Variants in IKZF4 observed in about 807,000 individuals in gnomAD.
IKZF4 encodes the protein zinc finger protein Eos.
IKZF4 carries 11 observed loss-of-function variants against 47.7 expected under a neutral mutation model. The ratio of observed to expected loss-of-function variants is 0.23; its 90% confidence interval spans 0.15 to 0.38. The LOEUF (loss-of-function observed/expected upper bound fraction) is 0.38. Among genes scored for constraint, IKZF4 ranks in the 10% least tolerant of loss-of-function variants. The pLI, the probability that IKZF4 is intolerant of heterozygous loss-of-function variation, is 1.00. For synonymous variants in IKZF4, 298 were observed against 299.4 expected (o/e 1.00, Z 0.05); for missense variants, 557 against 784.9 (o/e 0.71, Z 3.47).
chr12:56,036,261 G>A lies in IKZF4; in HGVS notation c.*930G>A, dbSNP rs768087193. 14 of 152,610 alleles carry A rather than the reference G, an allele frequency of 9.2e-5. No homozygotes were observed. The highest frequency in any genetic ancestry group is 4.6e-4 in the Admixed American group (7 of 15,270). The allele number at this position is 152,610 out of a possible 1,614,324, so 9.5% of individuals were successfully genotyped here. On this transcript the variant is annotated 3_prime_UTR_variant, in exon 8 of 8. Coordinates refer to ENST00000547167, the MANE Select transcript of IKZF4 (RefSeq NM_022465.4). ...CTCTGACAGATTGGGAGCCACAGGT[G>A]CCTAATTGGGAACCAGGGCATGGGA...
chr12:56,027,412 AAACAACAACAAC>A (rs142401811), intron 4 of IKZF4, among the ~76,000 whole-genome samples: 162 of 152,040 alleles, frequency 1.1e-3, no homozygotes, highest in African/African-American at 3.8e-3. Context: ...AATAATTAAA[AAACAACAACAAC>A]AACAACAACA....
At chr12:56,016,800 A>G (rs867233486), upstream of IKZF4, among the ~76,000 whole-genome samples, 4 of 151,884 alleles carry the variant, frequency 2.6e-5, no homozygotes, top group African/African-American at 4.8e-5. Context: ...GGGTTTCTCC[A>G]TGTTGGTCAG....
chr12:56,017,800 C>G (rs944913345), upstream of IKZF4, among the ~76,000 whole-genome samples: 1 of 152,166 alleles, frequency 6.6e-6, no homozygotes, highest in Admixed American at 6.6e-5. Flanking sequence ...AGTGATCCTC[C>G]CACCTCAGCC....
At chr12:56,019,334 A>C (rs1892549089), upstream of IKZF4, 3 of 982,996 alleles carry the variant, frequency 3.1e-6, no homozygotes, top group Admixed American at 1.8e-4. Flanking sequence ...CAATGAAGGA[A>C]TTATTGGCAT....
intron 6 of IKZF4, 82 bp from the exon 7 acceptor site, chr12:56,033,108 C>A: frequency 6.5e-7 from 1 of 1,548,118 alleles, no homozygotes; most frequent in Non-Finnish European, 8.8e-7. Flanking sequence ...TACTGACCTG[C>A]TGGTTTTCTC....
At chr12:56,028,586 G>GT (rs1294120193) in intron 5 of IKZF4, among the ~76,000 whole-genome samples, 3 of 135,154 alleles carry the variant, frequency 2.2e-5, no homozygotes, top group East Asian at 2.3e-4. Context: ...ACTTTTGTTT[G>GT]TTTTTTGTTT....
At position 56,026,828 on chromosome 12, in the gene IKZF4, C is replaced by T. The variant is rs1250953058; in HGVS notation, c.334C>T (p.Leu112=). Residue 112 remains leucine (L), a synonymous_variant, in exon 4 of 8, where the codon CTG becomes TTG. Coordinates refer to ENST00000547167, the MANE Select transcript of IKZF4 (RefSeq NM_022465.4). The part of the protein sequence containing the change: ...EMYSDEESSR[L]LGPDERLLEK... ...GTACAGCGATGAGGAGTCAAGCAGA[C>T]TGCTGGGGCCAGATGAGCGGCTCCT... 1 of 1,609,678 alleles carries T rather than the reference C, an allele frequency of 6.2e-7. No individual in the cohort carries two copies. The highest frequency in any genetic ancestry group is 8.5e-7 in the Non-Finnish European group (1 of 1,177,890).
At chr12:56,027,127 G>A in intron 4 of IKZF4, 86 bp downstream of exon 4, 1 of 1,313,130 alleles carries the variant, frequency 7.6e-7, no homozygotes, top group Non-Finnish European at 9.9e-7. Flanking sequence ...CAGGTATGGG[G>A]CTGGAGGAGG....
chr12:56,020,923 G>A, upstream of IKZF4: 5 of 996,744 alleles, frequency 5.0e-6, no homozygotes, highest in Non-Finnish European at 6.0e-6. Flanking sequence ...CCGTGTCCTG[G>A]GCCCCATGAC....
At chr12:56,017,008 G>A (rs1168965711), upstream of IKZF4, among the ~76,000 whole-genome samples, 1 of 152,010 alleles carries the variant, frequency 6.6e-6, no homozygotes, top group African/African-American at 2.4e-5. Context: ...GGAATTACAG[G>A]TGTGAGCCAC....
chr12:56,020,686 A>AG (rs1892744323), upstream of IKZF4, among the ~76,000 whole-genome samples: 1 of 152,060 alleles, frequency 6.6e-6, no homozygotes, highest in East Asian at 1.9e-4. Context: ...GGGCACAGGA[A>AG]GGGGGGGAAA....
intron 7 of IKZF4, among the ~76,000 whole-genome samples, chr12:56,034,104 T>C (rs1050413939): frequency 6.6e-6 from 1 of 152,056 alleles, no homozygotes; most frequent in African/African-American, 2.4e-5. Flanking sequence ...GGTTTCACCG[T>C]GTTAGCCAGG....
intron 3 of IKZF4, among the ~76,000 whole-genome samples, 160 bp downstream of exon 3, chr12:56,025,318 T>C (rs1193316892): frequency 6.6e-6 from 1 of 152,192 alleles, no homozygotes; most frequent in Non-Finnish European, 1.5e-5. Flanking sequence ...AGGGTTTTTC[T>C]GGCTTCTGAA....
chr12:56,014,749 C>A, intron 2 of IKZF4, among the ~76,000 whole-genome samples: 1 of 151,980 alleles, frequency 6.6e-6, no homozygotes, highest in East Asian at 1.9e-4. Flanking sequence ...CACTGCACTC[C>A]AGCCTGGGCA....
At chr12:56,018,171 G>A (rs1258932863), upstream of IKZF4, 10 of 1,289,330 alleles carry the variant, frequency 7.8e-6, no homozygotes, top group Non-Finnish European at 9.1e-6. Flanking sequence ...CCGCTCCTAT[G>A]TGTCTGGTAT....
At chr12:56,024,674 C>T in intron 2 of IKZF4, 1 of 1,066,742 alleles carries the variant, frequency 9.4e-7, no homozygotes, top group Non-Finnish European at 1.1e-6. Context: ...CCTGAACCGG[C>T]TGGGGGCTCC....
rs1895075010 is a variant in IKZF4 at position 56,032,711 on chromosome 12, G to GTAGGGC, written c.865+4_865+9dup. Reference sequence around the variant, plus strand: ...GCCCAAGCTTTGGCTGGCCAACCAGGTAGGGCTATTGATGTACTACTGGGG... The same window carrying GTAGGGC: ...GCCCAAGCTTTGGCTGGCCAACCAGGTAGGGCTAGGGCTATTGATGTACTACTGGGG... On this transcript the variant is annotated splice_donor_variant, in intron 6 of 7. Transcript: ENST00000547167. LOFTEE classifies it high-confidence loss of function. 6.2e-7 allele frequency: 1 copy of GTAGGGC among 1,613,910 alleles called. No homozygotes were observed. Among genetic ancestry groups the GTAGGGC allele is most frequent in the African/African-American group, 1.3e-5 (1 of 74,928 alleles).
intron 2 of IKZF4, among the ~76,000 whole-genome samples, chr12:56,014,980 TCA>T (rs990295786): frequency 7.2e-5 from 11 of 152,198 alleles, no homozygotes; most frequent in African/African-American, 2.6e-4. Context: ...TCAGTTTCTC[TCA>T]GTTTCTCCAA....
rs559448472 is a variant in IKZF4, at chr12:56,029,348, G to C, written c.715+1401G>C. On this transcript the variant is annotated intron_variant, in intron 5 of 7. Coordinates refer to ENST00000547167, the MANE Select transcript of IKZF4 (RefSeq NM_022465.4). The stretch of plus-strand genomic sequence containing the variant: ...TAGCACTTTTTAGGCATTTTACTAA[G>C]CTTTAGGCTTTTGGCTTGGACTTGG... Among the ~76,000 whole-genome samples the C allele has an allele frequency of 2.6e-5, 4 of 152,286 alleles. No individual in the cohort carries two copies. The South Asian group carries it at 6.2e-4, about 24-fold the overall frequency.
Sources: gnomAD v4.1 joint callset for allele counts (sites outside exome capture counted in the v4.1 genomes callset) on GRCh38, gnomAD v4.1.1 for gene constraint, MANE v1.5 for transcripts, NCBI Gene and HGNC (gene_info 2026-07-23, HGNC 2026-07-21) for gene names.